Variants in RTN3 observed in about 807,000 individuals in gnomAD.
The protein encoded by RTN3 is reticulon 3, also known as reticulon-3.
In RTN3, 49 loss-of-function variants were observed where a neutral mutation model predicts 77.8. The observed-to-expected ratio is 0.63, with a 90% CI of 0.50 to 0.80. The LOEUF (loss-of-function observed/expected upper bound fraction) is 0.80. Ranked by LOEUF, RTN3 falls within the 30% of genes least tolerant of loss-of-function variation. RTN3 has a pLI of 0.00. For missense variants in RTN3, 1,236 were observed against 1,211.9 expected (o/e 1.02, Z -0.29); for synonymous variants, 464 against 446.9 (o/e 1.04, Z -0.48).
intron 1 of RTN3, among the ~76,000 whole-genome samples, chr11:63,685,997 G>A (rs1941349887): frequency 6.6e-6 from 1 of 152,158 alleles, no homozygotes; most frequent in African/African-American, 2.4e-5. Flanking sequence ...CCAGATTTCT[G>A]CCTTTGAAGG....
At chr11:63,694,836 T>C (rs1941855918) in intron 1 of RTN3, among the ~76,000 whole-genome samples, 1 of 152,204 alleles carries the variant, frequency 6.6e-6, no homozygotes, top group South Asian at 2.1e-4. Flanking sequence ...AGAGTTCTGC[T>C]TTGTTCTTCC....
chr11:63,708,402 G>A (rs1340681462), intron 2 of RTN3, among the ~76,000 whole-genome samples: 6 of 151,850 alleles, frequency 4.0e-5, no homozygotes, highest in Non-Finnish European at 7.4e-5. Context: ...GAGCACAAGC[G>A]GTCCTCCTAC....
intron 3 of RTN3, among the ~76,000 whole-genome samples, chr11:63,737,434 AC>A (rs2013203018): frequency 6.6e-6 from 1 of 152,206 alleles, no homozygotes; most frequent in South Asian, 2.1e-4. Context: ...ACATGGTGAA[AC>A]CCCATCTCTA....
intron 3 of RTN3, among the ~76,000 whole-genome samples, chr11:63,734,734 AACACACACACACACACAC>A (rs754454322): frequency 9.8e-5 from 8 of 81,318 alleles, no homozygotes; most frequent in South Asian, 3.5e-4. Context: ...TCTGTCTCAA[AACACACACACACACACAC>A]ACACACACAC....
intron 1 of RTN3, among the ~76,000 whole-genome samples, chr11:63,686,791 A>T (rs1483669593): frequency 6.6e-6 from 1 of 152,158 alleles, no homozygotes; most frequent in African/African-American, 2.4e-5. Context: ...AGATTGTGCC[A>T]TTGCACTCCA....
intron 1 of RTN3, among the ~76,000 whole-genome samples, chr11:63,691,351 C>T (rs1044467507): frequency 6.6e-6 from 1 of 151,966 alleles, no homozygotes; most frequent in Non-Finnish European, 1.5e-5. Context: ...GAACTCCTGA[C>T]CTCAGGAGAT....
At position 63,720,313 on chromosome 11, in the gene RTN3, T is replaced by TTAC. The variant is rs769250197; in HGVS notation, c.1816_1818dup (p.Thr606dup). On this transcript the variant is annotated inframe_insertion, in exon 3 of 9. Coordinates refer to ENST00000377819, the MANE Select transcript of RTN3 (RefSeq NM_001265589.2). ...AGTGAAGTTGCTCCTGAAAAGCCTA[T>TTAC]TACTACTGAGAACCCCAAACTTCCT... is the stretch of plus-strand genomic sequence containing the variant. 3.1e-6 allele frequency: 5 copies of TTAC among 1,613,838 alleles called. No homozygotes were observed. In the East Asian group the frequency reaches 1.1e-4, roughly 36 times the overall value.
At chr11:63,704,468 A>G (rs1942398162) in intron 1 of RTN3, among the ~76,000 whole-genome samples, 1 of 152,202 alleles carries the variant, frequency 6.6e-6, no homozygotes, top group Non-Finnish European at 1.5e-5. Flanking sequence ...GCATCCAGGA[A>G]TGGTTAAAAG....
At chr11:63,731,550 A>T (rs971818237) in intron 3 of RTN3, among the ~76,000 whole-genome samples, 9 of 152,262 alleles carry the variant, frequency 5.9e-5, no homozygotes, top group African/African-American at 2.2e-4. Context: ...ATCACAAGAA[A>T]AATATTAAGT....
intron 3 of RTN3, among the ~76,000 whole-genome samples, chr11:63,746,556 C>T (rs944738926): frequency 2.0e-5 from 3 of 151,876 alleles, no homozygotes; most frequent in African/African-American, 7.3e-5. Flanking sequence ...GCTCTGTTGC[C>T]CAAGCTAGAG....
At chr11:63,695,027 T>C (rs1383972696) in intron 1 of RTN3, among the ~76,000 whole-genome samples, 1 of 152,236 alleles carries the variant, frequency 6.6e-6, no homozygotes, top group East Asian at 1.9e-4. Flanking sequence ...TACTAGTTAC[T>C]ACTCAGTCTA....
At chr11:63,748,171 A>C (rs936753556) in intron 3 of RTN3, among the ~76,000 whole-genome samples, 1 of 151,056 alleles carries the variant, frequency 6.6e-6, no homozygotes, top group Non-Finnish European at 1.5e-5. Flanking sequence ...AAATAAAAGT[A>C]ATGTCACTGC....
intron 3 of RTN3, among the ~76,000 whole-genome samples, chr11:63,728,743 C>T (rs1308838964): frequency 6.6e-6 from 1 of 151,944 alleles, no homozygotes; most frequent in Non-Finnish European, 1.5e-5. Flanking sequence ...CAAAAATTAG[C>T]CGGGGTGGCA....
intron 3 of RTN3, among the ~76,000 whole-genome samples, chr11:63,743,544 G>A (rs1019807308): frequency 1.3e-5 from 2 of 152,084 alleles, no homozygotes; most frequent in African/African-American, 4.8e-5. Flanking sequence ...TTTTTCAAAA[G>A]AAACACCTCA....
In RTN3 at chr11:63,681,587, T is replaced by C. The variant is rs1161459853; in HGVS notation, c.-50T>C. 6.5e-7 allele frequency: 1 copy of C among 1,530,202 alleles called. No individual in the cohort carries two copies. Among genetic ancestry groups the C allele is most frequent in the African/African-American group, 1.4e-5 (1 of 70,888 alleles). 94.8% of individuals were successfully genotyped at this position (1,530,202 alleles called of 1,614,324 possible). On this transcript the variant is annotated 5_prime_UTR_variant, in exon 1 of 9. Coordinates refer to ENST00000377819, the MANE Select transcript of RTN3 (RefSeq NM_001265589.2). ...GATTATTCTATTTCCCCTCCCTCTCTCCCGCCCCGTATCTCTTTTCACCCT... is the reference window on the plus strand; with the variant it reads ...GATTATTCTATTTCCCCTCCCTCTCCCCCGCCCCGTATCTCTTTTCACCCT...
intron 1 of RTN3, among the ~76,000 whole-genome samples, chr11:63,691,604 AT>A (rs1590781018): frequency 6.6e-6 from 1 of 152,126 alleles, no homozygotes; most frequent in East Asian, 1.9e-4. Context: ...CTCAATCTCA[AT>A]AAATGGCCAT....
intron 1 of RTN3, among the ~76,000 whole-genome samples, chr11:63,694,735 C>T (rs755133980): frequency 2.0e-5 from 3 of 152,164 alleles, no homozygotes; most frequent in Non-Finnish European, 4.4e-5. Flanking sequence ...TGGGATCACA[C>T]GAGTGAGCCA....
intron 3 of RTN3, among the ~76,000 whole-genome samples, chr11:63,729,475 G>A (rs908515060): frequency 3.0e-5 from 4 of 133,672 alleles, no homozygotes; most frequent in South Asian, 2.4e-4. Context: ...TTTGAGACAG[G>A]ATCTGGCTCT....
intron 3 of RTN3, among the ~76,000 whole-genome samples, chr11:63,734,386 G>A (rs2012921141): frequency 6.6e-6 from 1 of 151,912 alleles, no homozygotes; most frequent in Non-Finnish European, 1.5e-5. Flanking sequence ...GGCAAAGGTT[G>A]CAGTGAGCCG....
Sources: gnomAD v4.1 joint callset for allele counts (sites outside exome capture counted in the v4.1 genomes callset) on GRCh38, gnomAD v4.1.1 for gene constraint, MANE v1.5 for transcripts, NCBI Gene and HGNC (gene_info 2026-07-23, HGNC 2026-07-21) for gene names.